Variants in OPHN1 observed in about 807,000 individuals in gnomAD.
The protein encoded by OPHN1 is oligophrenin 1, also known as oligophrenin-1.
Under a neutral mutation model 60.7 loss-of-function variants are expected in OPHN1, and 11 were observed. That is an observed-to-expected ratio of 0.18 (90% CI 0.11 to 0.30). The LOEUF (loss-of-function observed/expected upper bound fraction) is 0.30, where lower values mean the gene tolerates loss of function less well. Among genes scored for constraint, OPHN1 ranks in the 10% least tolerant of loss-of-function variants. OPHN1 has a pLI of 1.00. For missense variants in OPHN1, 449 were observed against 611.0 expected (o/e 0.73, Z 2.80); for synonymous variants, 226 against 222.6 (o/e 1.02, Z -0.14).
chrX:68,067,056 G>A (rs2076915740), intron 20 of OPHN1, among the ~76,000 whole-genome samples: 1 of 112,176 alleles, frequency 8.9e-6, no homozygotes, highest in Non-Finnish European at 1.9e-5. Flanking sequence ...GAGGTGGGGA[G>A]AAGCTTTGAG....
chrX:68,198,909 G>T (rs1408063990), intron 11 of OPHN1, among the ~76,000 whole-genome samples: 1 of 111,325 alleles, frequency 9.0e-6, no homozygotes, highest in Non-Finnish European at 1.9e-5. Context: ...CAGTCTTGTG[G>T]TTACTGGCAA....
chrX:68,264,025 C>A (rs1569262114), intron 5 of OPHN1, among the ~76,000 whole-genome samples: 1 of 111,398 alleles, frequency 9.0e-6, no homozygotes, highest in Non-Finnish European at 1.9e-5. Flanking sequence ...GAATCTCAAA[C>A]TAGGTGCTGG....
At chrX:68,126,629 G>T (rs982341033) in intron 15 of OPHN1, among the ~76,000 whole-genome samples, 7 of 111,243 alleles carry the variant, frequency 6.3e-5, no homozygotes, top group Non-Finnish European at 1.3e-4. Flanking sequence ...ATTTTTAGTA[G>T]AGGCAGGGTT....
chrX:68,407,441 C>A (rs2078749037), intron 2 of OPHN1, among the ~76,000 whole-genome samples: 2 of 111,456 alleles, frequency 1.8e-5, no homozygotes, highest in Non-Finnish European at 3.8e-5. Flanking sequence ...TTAGAAAAAA[C>A]AACAGCTTTA....
chrX:68,248,300 C>A (rs866902277), intron 5 of OPHN1, among the ~76,000 whole-genome samples: 1 of 99,272 alleles, frequency 1.0e-5, no homozygotes. Context: ...AGACATTTCT[C>A]AAAAAAAAAA....
At chrX:68,113,134 A>G in intron 17 of OPHN1, 47 bp downstream of exon 17, 1 of 1,100,621 alleles carries the variant, frequency 9.1e-7, no homozygotes, top group Non-Finnish European at 1.3e-6. Context: ...TGCAGTAAAC[A>G]TTAAGAAACT....
intron 19 of OPHN1, among the ~76,000 whole-genome samples, chrX:68,078,492 C>T (rs2076961728): frequency 9.0e-6 from 1 of 111,635 alleles, no homozygotes; most frequent in African/African-American, 3.3e-5. Flanking sequence ...GGCATCCATC[C>T]ATGCATCTGT....
chrX:68,197,371 G>A, intron 11 of OPHN1, 107 bp from the exon 12 acceptor site: 1 of 569,469 alleles, frequency 1.8e-6, no homozygotes, highest in Non-Finnish European at 3.0e-6. Context: ...CACTGAACAA[G>A]CATAGGCTTA....
intron 2 of OPHN1, among the ~76,000 whole-genome samples, chrX:68,313,177 T>A (rs1250867353): frequency 8.9e-6 from 1 of 111,831 alleles, no homozygotes; most frequent in East Asian, 2.8e-4. Context: ...TAATAAATGC[T>A]GGCGAGTATG....
At chrX:68,263,882 T>A (rs1026319049) in intron 5 of OPHN1, among the ~76,000 whole-genome samples, 1 of 112,358 alleles carries the variant, frequency 8.9e-6, no homozygotes, top group Non-Finnish European at 1.9e-5. Flanking sequence ...TAAATGTTAA[T>A]ATTTTCTATT....
intron 6 of OPHN1, among the ~76,000 whole-genome samples, chrX:68,223,724 G>A (rs1016277824): frequency 9.0e-6 from 1 of 110,911 alleles, no homozygotes; most frequent in African/African-American, 3.3e-5. Context: ...AGAAAACAAA[G>A]ACAGATTAAA....
At chrX:68,266,607 G>A (rs996847298) in intron 5 of OPHN1, among the ~76,000 whole-genome samples, 1 of 111,746 alleles carries the variant, frequency 8.9e-6, no homozygotes, top group African/African-American at 3.3e-5. Context: ...ATGCTAGGAA[G>A]AAACTGCATC....
intron 3 of OPHN1, among the ~76,000 whole-genome samples, chrX:68,286,713 T>C (rs2078042601): frequency 8.9e-6 from 1 of 111,749 alleles, no homozygotes; most frequent in African/African-American, 3.3e-5. Context: ...TGCCACTGAA[T>C]GGTTTTAGAA....
chrX:68,397,428 C>T (rs2147762377), intron 2 of OPHN1, among the ~76,000 whole-genome samples: 1 of 104,821 alleles, frequency 9.5e-6, no homozygotes, highest in East Asian at 3.0e-4. Flanking sequence ...ATCCTGAATC[C>T]TGACAGCCTG....
At chrX:68,119,535 T>C (rs1602169339) in intron 15 of OPHN1, among the ~76,000 whole-genome samples, 1 of 111,752 alleles carries the variant, frequency 8.9e-6, no homozygotes, top group Admixed American at 9.5e-5. Flanking sequence ...ATCTATCCAA[T>C]TCACACAACA....
chrX:68,195,016 A>AG (rs1257250673), intron 12 of OPHN1, among the ~76,000 whole-genome samples: 1,231 of 62,221 alleles, frequency 0.02, 51 homozygotes, highest in African/African-American at 0.1. Context: ...GGAAGGAAGG[A>AG]AGGAAGGAAG....
intron 21 of OPHN1, among the ~76,000 whole-genome samples, chrX:68,055,530 T>G (rs774006151): frequency 1.8e-5 from 2 of 112,134 alleles, no homozygotes; most frequent in East Asian, 5.6e-4. Context: ...TCAACCATTG[T>G]GGAAGACAGT....
intron 2 of OPHN1, among the ~76,000 whole-genome samples, chrX:68,362,875 C>T (rs1190801979): frequency 2.7e-5 from 3 of 110,982 alleles, no homozygotes; most frequent in East Asian, 2.8e-4. Context: ...TAGGGGAAAC[C>T]GGAGGAGGGG....
At chrX:68,376,026 T>C (rs760593530) in intron 2 of OPHN1, among the ~76,000 whole-genome samples, 1 of 111,879 alleles carries the variant, frequency 8.9e-6, no homozygotes, top group Non-Finnish European at 1.9e-5. Flanking sequence ...TCACTGGATC[T>C]GTGGTTTATG....
Sources: allele counts gnomAD v4.1 joint callset (sites outside exome capture counted in the v4.1 genomes callset), GRCh38; gene constraint gnomAD v4.1.1; transcripts MANE v1.5; gene names NCBI Gene and HGNC (gene_info 2026-07-23, HGNC 2026-07-21).